Variants in NT5DC1 observed in about 807,000 individuals in gnomAD.
The protein encoded by NT5DC1 is 5'-nucleotidase domain-containing protein 1.
Under a neutral mutation model 59.4 loss-of-function variants are expected in NT5DC1, and 42 were observed. The ratio of observed to expected loss-of-function variants is 0.71; its 90% CI spans 0.55 to 0.92. NT5DC1 has a LOEUF of 0.92. NT5DC1 is among the 40% of genes least tolerant of loss of function. The probability of loss-of-function intolerance (pLI) is 0.00; values close to 1 mark genes in which losing one functional copy is unlikely to be tolerated. For missense variants in NT5DC1, 501 were observed against 537.1 expected (o/e 0.93, Z 0.66); for synonymous variants, 172 against 188.1 (o/e 0.91, Z 0.70).
At chr6:116,135,834 G>GATATATATAT (rs199827970) in intron 6 of NT5DC1, among the ~76,000 whole-genome samples, 209 of 102,274 alleles carry the variant, frequency 2.0e-3, no homozygotes, top group Non-Finnish European at 3.0e-3. Flanking sequence ...TATATTTTCA[G>GATATATATAT]ATATATATAT....
intron 6 of NT5DC1, chr6:116,121,276 T>C: frequency 1.2e-6 from 2 of 1,613,966 alleles, no homozygotes; most frequent in South Asian, 2.2e-5. Context: ...GGAGACCTTT[T>C]GTTCCTGGAA....
At chr6:116,143,120 A>G (rs936160248) in intron 6 of NT5DC1, among the ~76,000 whole-genome samples, 1 of 152,202 alleles carries the variant, frequency 6.6e-6, no homozygotes, top group Non-Finnish European at 1.5e-5. Context: ...AATGCCTGAT[A>G]AATTTGCCTC....
At chr6:116,181,939 T>A (rs574732190) in intron 6 of NT5DC1, among the ~76,000 whole-genome samples, 1 of 152,212 alleles carries the variant, frequency 6.6e-6, no homozygotes, top group South Asian at 2.1e-4. Flanking sequence ...AGTTCTTTGG[T>A]GGTGATTTCT....
At chr6:116,198,208 G>A (rs935136645) in intron 6 of NT5DC1, among the ~76,000 whole-genome samples, 2 of 151,970 alleles carry the variant, frequency 1.3e-5, no homozygotes, top group Admixed American at 6.6e-5. Flanking sequence ...ACAGTTTCTG[G>A]GTAACAGCCA....
intron 6 of NT5DC1, among the ~76,000 whole-genome samples, chr6:116,138,475 A>T (rs942349798): frequency 6.6e-6 from 1 of 152,176 alleles, no homozygotes; most frequent in Non-Finnish European, 1.5e-5. Context: ...AATTCTTTAC[A>T]ATTGAAAGAG....
chr6:116,230,882 T>C lies in NT5DC1; in HGVS notation c.803-6084T>C, dbSNP rs1370238956. On this transcript the variant is annotated intron_variant, in intron 8 of 11. Transcript: ENST00000319550. The stretch of plus-strand genomic sequence containing the variant: ...GTCTTTAGCACAATTCCAACAACAT[T>C]AACAGCTCCCCGAATGAAGGAGGCT... 2.0e-5 allele frequency among the ~76,000 whole-genome samples: 3 copies of C among 152,032 alleles called. No homozygotes were observed. In the East Asian group the frequency reaches 5.8e-4, roughly 29 times the overall value.
Position 116,206,200 on chromosome 6 carries a change from GC to G in NT5DC1, c.530-14851del, listed in dbSNP as rs1383231532. Among the ~76,000 whole-genome samples, 10 of 152,132 alleles carry G rather than the reference GC, an allele frequency of 6.6e-5. No individual in the cohort carries two copies. In the East Asian group the frequency reaches 1.7e-3, roughly 27 times the overall value. On this transcript the variant is annotated intron_variant, in intron 6 of 11. Coordinates refer to ENST00000319550, the MANE Select transcript of NT5DC1 (RefSeq NM_152729.3). ...CAGGGCAATTCCATGATGCAGTGTG[GC>G]CCATAGCATTTCGTGGTTAATCAAC...
intron 3 of NT5DC1, 163 bp from the exon 4 acceptor site, chr6:116,110,687 A>G (rs1778856504): frequency 1.4e-6 from 1 of 697,986 alleles, no homozygotes; most frequent in East Asian, 2.7e-5. Flanking sequence ...GCCCACAGAA[A>G]TGCTTTACAG....
chr6:116,108,010 A>G (rs533485478), intron 2 of NT5DC1, among the ~76,000 whole-genome samples: 22 of 150,134 alleles, frequency 1.5e-4, no homozygotes, highest in African/African-American at 3.7e-4. Flanking sequence ...GTGTGTGTGT[A>G]TGTGTGTTTT....
chr6:116,243,954 CA>C lies in NT5DC1; in HGVS notation c.1303del (p.Thr435GlnfsTer18). On this transcript the variant is annotated frameshift_variant, in exon 12 of 12. Coordinates refer to ENST00000319550, the MANE Select transcript of NT5DC1 (RefSeq NM_152729.3). LOFTEE classifies it high-confidence loss of function. ...YKFTRFSSSN[S>X]KTAGYYPNPP... ...TTTACAAGATTCTCTTCAAGCAATT[CA>C]AAAACAGCTGGCTACTATCCAAATC... 1.9e-6 allele frequency: 3 copies of C among 1,582,736 alleles called. No individual in the cohort carries two copies. The highest frequency in any genetic ancestry group is 1.7e-5 in the Admixed American group (1 of 57,934).
chr6:116,130,587 C>T (rs536715014), intron 6 of NT5DC1, among the ~76,000 whole-genome samples: 1 of 151,968 alleles, frequency 6.6e-6, no homozygotes, highest in Non-Finnish European at 1.5e-5. Context: ...TGTCTGGGTC[C>T]TAGGGATGCA....
intron 6 of NT5DC1, among the ~76,000 whole-genome samples, chr6:116,184,944 C>G (rs1780963927): frequency 6.6e-6 from 1 of 151,916 alleles, no homozygotes; most frequent in Non-Finnish European, 1.5e-5. Context: ...TCTTATTTCT[C>G]TAGCTCCTTG....
intron 6 of NT5DC1, chr6:116,145,516 T>C: frequency 3.1e-6 from 1 of 326,548 alleles, no homozygotes; most frequent in South Asian, 2.6e-5. Flanking sequence ...GTGGGTCCTG[T>C]ATTATTTCAT....
At chr6:116,229,712 G>T (rs775249784) in intron 8 of NT5DC1, among the ~76,000 whole-genome samples, 1 of 152,102 alleles carries the variant, frequency 6.6e-6, no homozygotes, top group African/African-American at 2.4e-5. Context: ...CTTGTTCACC[G>T]CAGTGTCGCC....
intron 6 of NT5DC1, among the ~76,000 whole-genome samples, chr6:116,133,580 A>G (rs1004236164): frequency 3.9e-5 from 6 of 152,164 alleles, no homozygotes; most frequent in African/African-American, 1.4e-4. Flanking sequence ...CCCATCGTCA[A>G]AACGGATACT....
chr6:116,220,505 T>C (rs936508735), intron 6 of NT5DC1, among the ~76,000 whole-genome samples: 6 of 152,198 alleles, frequency 3.9e-5, no homozygotes, highest in African/African-American at 1.4e-4. Context: ...TTTGCACCGA[T>C]TTTTCCATTT....
At chr6:116,225,539 T>G (rs983001780) in intron 8 of NT5DC1, among the ~76,000 whole-genome samples, 1 of 152,116 alleles carries the variant, frequency 6.6e-6, no homozygotes, top group Non-Finnish European at 1.5e-5. Context: ...CTAGTCCAAA[T>G]GCTACAGAAA....
chr6:116,163,141 A>AAAATAT lies in NT5DC1; in HGVS notation c.529+45197_529+45198insAATATA, dbSNP rs761718922. Among the ~76,000 whole-genome samples, 45 of 88,394 alleles carry AAAATAT rather than the reference A, an allele frequency of 5.1e-4. 1 individual carries two copies. Among genetic ancestry groups the AAAATAT allele is most frequent in the African/African-American group, 1.9e-3 (33 of 17,346 alleles). The allele number at this position is 88,394 out of a possible 152,430, so 58.0% of individuals were successfully genotyped here. ...GACTCCGTCTCAAAAAAAAAAAAAA[A>AAAATAT]ATATATATATATATATATATATTAG... On this transcript the variant is annotated intron_variant, in intron 6 of 11. Coordinates refer to ENST00000319550, the MANE Select transcript of NT5DC1 (RefSeq NM_152729.3).
chr6:116,167,503 T>A (rs546134846), intron 6 of NT5DC1, among the ~76,000 whole-genome samples: 3 of 152,180 alleles, frequency 2.0e-5, no homozygotes, highest in African/African-American at 7.2e-5. Context: ...TGAGCCACCG[T>A]GCCCAGCCCA....
Sources: allele counts gnomAD v4.1 joint callset (sites outside exome capture counted in the v4.1 genomes callset), GRCh38; gene constraint gnomAD v4.1.1; transcripts MANE v1.5; gene names NCBI Gene and HGNC (gene_info 2026-07-23, HGNC 2026-07-21).